The following FGD6 variants were observed in gnomAD, a reference collection of about 807,000 sequenced individuals.
The protein encoded by FGD6 is FYVE, RhoGEF and PH domain containing 6.
Under a neutral mutation model 149.4 loss-of-function variants are expected in FGD6, and 90 were observed. The observed-to-expected ratio is 0.60, with a 90% confidence interval of 0.51 to 0.72. The LOEUF (loss-of-function observed/expected upper bound fraction) is 0.72. Among genes scored for constraint, FGD6 ranks in the 30% least tolerant of loss-of-function variants. The probability of loss-of-function intolerance (pLI) is 0.00; values close to 1 mark genes in which losing one functional copy is unlikely to be tolerated. For missense variants in FGD6, 1,437 were observed against 1,684.8 expected (o/e 0.85, Z 2.57); for synonymous variants, 527 against 584.0 (o/e 0.90, Z 1.41).
At chr12:95,111,189 C>T (rs571360037) in intron 9 of FGD6, among the ~76,000 whole-genome samples, 2 of 152,234 alleles carry the variant, frequency 1.3e-5, no homozygotes, top group South Asian at 4.2e-4. Context: ...CCATGTTGCC[C>T]AGGCTGGTCT....
chr12:95,117,809 C>T (rs146706812), intron 8 of FGD6, among the ~76,000 whole-genome samples: 3,361 of 151,848 alleles, frequency 0.022, 67 homozygotes, highest in Non-Finnish European at 0.034. Flanking sequence ...TTTGGGAGGC[C>T]GAGGTGGGCG....
Position 95,210,350 on chromosome 12 carries a change from A to T in FGD6, c.934T>A (p.Phe312Ile). 1 of 1,613,890 alleles carries T rather than the reference A, an allele frequency of 6.2e-7. No individual in the cohort carries two copies. The highest frequency in any genetic ancestry group is 8.5e-7 in the Non-Finnish European group (1 of 1,179,976). Reference protein sequence around the residue: ...EIHLVPYTPKFPTPKPRKTRT... With the variant: ...EIHLVPYTPKIPTPKPRKTRT... ...GTCTTTCTGGGCTTGGGAGTTGGAA[A>T]TTTTGGGGTATATGGTACTAAATGA... The change falls in exon 2 of 21, where the codon TTT (phenylalanine) becomes ATT (isoleucine). Residue 312 changes from phenylalanine to isoleucine, a missense_variant. Transcript: ENST00000343958.
rs771840736 is a variant in FGD6, at chr12:95,092,865, T to C, written c.3601-20A>G. 6.3e-7 allele frequency: 1 copy of C among 1,590,438 alleles called. No homozygotes were observed. Among genetic ancestry groups the C allele is most frequent in the South Asian group, 1.1e-5 (1 of 87,612 alleles). On this transcript the variant is annotated intron_variant, in intron 15 of 20. Transcript: ENST00000343958. ...GTCTGCCTGTGGAAGAAGAACAACT[T>C]CTGATTATCTCCATGCACACTGCCT...
chr12:95,078,717 AG>A lies in FGD6; in HGVS notation c.*2802del, dbSNP rs1877573983. On this transcript the variant is annotated 3_prime_UTR_variant, in exon 21 of 21. Transcript: ENST00000343958. ...CAGAGATAATTACTCTCATTTTCTTAGGACTCTGATGGGTCCTGTACATTTA... is the reference window on the plus strand; with the variant it reads ...CAGAGATAATTACTCTCATTTTCTTAGACTCTGATGGGTCCTGTACATTTA... 1 of 152,226 alleles carries A rather than the reference AG, an allele frequency of 6.6e-6. No individual in the cohort carries two copies. The highest frequency in any genetic ancestry group is 1.5e-5 in the Non-Finnish European group (1 of 68,034). 9.4% of individuals were successfully genotyped at this position (152,226 alleles called of 1,614,324 possible).
At chr12:95,189,653 G>GAAAAAAA (rs10582401) in intron 2 of FGD6, 1 of 124,098 alleles carries the variant, frequency 8.1e-6, no homozygotes. Flanking sequence ...TGTTTCATAG[G>GAAAAAAA]AAAAAAAAAA....
chr12:95,107,683 C>T, intron 11 of FGD6, 52 bp from the exon 12 acceptor site: 2 of 1,576,330 alleles, frequency 1.3e-6, no homozygotes, highest in South Asian at 1.1e-5. Context: ...AACACAACGA[C>T]AATATAATTT....
At chr12:95,153,938 TG>T (rs1268838885) in intron 3 of FGD6, among the ~76,000 whole-genome samples, 1 of 130,804 alleles carries the variant, frequency 7.6e-6, no homozygotes, top group Non-Finnish European at 1.7e-5. Flanking sequence ...TGTGTGTGTG[TG>T]TGTGTGTGAG....
intron 2 of FGD6, among the ~76,000 whole-genome samples, chr12:95,192,187 AT>A (rs1461014823): frequency 2.0e-5 from 3 of 152,112 alleles, no homozygotes; most frequent in African/African-American, 7.2e-5. Context: ...TTCCCCCAAA[AT>A]TTTTTCAATA....
rs758521858 is a variant in FGD6, at chr12:95,092,682, G to A, written c.3747+17C>T. ...ACAGTAAAGACCACAATGGAGATGG[G>A]TGTTATCATCGCCAACCTTTCCACA... On this transcript the variant is annotated intron_variant, in intron 16 of 20. Coordinates refer to ENST00000343958, the MANE Select transcript of FGD6 (RefSeq NM_018351.4). 16 of 1,613,168 alleles carry A rather than the reference G, an allele frequency of 9.9e-6. No homozygotes were observed. In the East Asian group the frequency reaches 3.6e-4, roughly 36 times the overall value.
chr12:95,150,025 CACACACA>C (rs1370391322), intron 5 of FGD6, among the ~76,000 whole-genome samples: 13 of 122,048 alleles, frequency 1.1e-4, no homozygotes, highest in African/African-American at 2.4e-4. Flanking sequence ...CACACACACA[CACACACA>C]CTTTTTTTTT....
At position 95,209,538 on chromosome 12, in the gene FGD6, G is replaced by T. The variant is rs1251544136; in HGVS notation, c.1746C>A (p.Phe582Leu). The T allele has an allele frequency of 6.2e-6, 10 of 1,614,076 alleles. No individual in the cohort carries two copies. Among genetic ancestry groups the T allele is most frequent in the Non-Finnish European group, 8.5e-6 (10 of 1,180,020 alleles). The change falls in exon 2 of 21, where the codon TTC becomes TTA. Residue 582 changes from phenylalanine (F) to leucine (L), a missense_variant. Phe to Leu is a conservative substitution (Grantham distance 22). Around this residue, in one of 2 missense-constraint regions of FGD6, gnomAD observed 1,055 missense variants for 1,146.0 expected, o/e 0.92. Coordinates refer to ENST00000343958, the MANE Select transcript of FGD6 (RefSeq NM_018351.4). Reference sequence around the variant, plus strand: ...TTGACGATACGGTGACAGACTTTAAGAATTCTGGGTTCCCTGAAAAGGGTA... The same window carrying T: ...TTGACGATACGGTGACAGACTTTAATAATTCTGGGTTCCCTGAAAAGGGTA... Reference protein sequence around the residue: ...PILPFSGNPEFLKSVTVSSNS... With the variant: ...PILPFSGNPELLKSVTVSSNS...
At chr12:95,196,865 C>T (rs1337377940) in intron 2 of FGD6, among the ~76,000 whole-genome samples, 1 of 151,620 alleles carries the variant, frequency 6.6e-6, no homozygotes, top group Non-Finnish European at 1.5e-5. Flanking sequence ...GTCTCAAACT[C>T]CTGCCTCAAG....
Position 95,208,264 on chromosome 12 carries a change from T to G in FGD6, c.2441+579A>C, listed in dbSNP as rs531247074. On this transcript the variant is annotated intron_variant, in intron 2 of 20. Coordinates refer to ENST00000343958, the MANE Select transcript of FGD6 (RefSeq NM_018351.4). ...AAGACCTCATCTCAAAAAAAAAATT[T>G]TTTTTTAATTAAATTATTTTAAAAG... 2.0e-5 allele frequency among the ~76,000 whole-genome samples: 3 copies of G among 152,180 alleles called. No homozygotes were observed. In the South Asian group the frequency reaches 6.2e-4, roughly 32 times the overall value.
At chr12:95,170,352 T>G (rs557537960) in intron 3 of FGD6, among the ~76,000 whole-genome samples, 4 of 152,134 alleles carry the variant, frequency 2.6e-5, no homozygotes, top group Admixed American at 2.0e-4. Flanking sequence ...TGTTAGAACA[T>G]AGGCTAGGCC....
intron 2 of FGD6, among the ~76,000 whole-genome samples, chr12:95,178,065 A>G (rs904392831): frequency 6.6e-6 from 1 of 152,050 alleles, no homozygotes. Context: ...GTGCCTAAAA[A>G]AAACTATTTA....
chr12:95,169,174 AAC>A (rs1880915105), intron 3 of FGD6, among the ~76,000 whole-genome samples: 1 of 152,222 alleles, frequency 6.6e-6, no homozygotes, highest in Admixed American at 6.5e-5. Flanking sequence ...TGGGTACAAA[AAC>A]ACAGTTAGAT....
At position 95,120,160 on chromosome 12, in the gene FGD6, C is replaced by T. The variant is rs543581083; in HGVS notation, c.3083-6459G>A. On this transcript the variant is annotated intron_variant, in intron 8 of 20. Coordinates refer to ENST00000343958, the MANE Select transcript of FGD6 (RefSeq NM_018351.4). ...AGAAGAACTGCTTGAACCCAAGAGG[C>T]GGAGGTTGAAGTGAGCTGACATCAC... Among the ~76,000 whole-genome samples, 128 of 151,534 alleles carry T rather than the reference C, an allele frequency of 8.4e-4. 2 individuals carry two copies. The highest frequency in any genetic ancestry group is 2.9e-3 in the African/African-American group (121 of 41,270).
At chr12:95,177,685 GA>G (rs1424685035) in intron 2 of FGD6, among the ~76,000 whole-genome samples, 1 of 151,808 alleles carries the variant, frequency 6.6e-6, no homozygotes, top group Non-Finnish European at 1.5e-5. Context: ...AGAATGAGGG[GA>G]AAAAAACTAC....
Position 95,107,623 on chromosome 12 carries a change from G to C in FGD6, c.3273C>G (p.Leu1091=). 2 of 1,613,892 alleles carry C rather than the reference G, an allele frequency of 1.2e-6. No homozygotes were observed. Among genetic ancestry groups the C allele is most frequent in the Non-Finnish European group, 1.7e-6 (2 of 1,180,012 alleles). Residue 1091 remains leucine (L), a synonymous_variant, in exon 12 of 21, where the codon CTC becomes CTG. Coordinates refer to ENST00000343958, the MANE Select transcript of FGD6 (RefSeq NM_018351.4). ...HEIVQPGRVF[L]KEGILMKLSR... ...ACAGCTTCATCAGAATTCCTTCTTT[G>C]AGAAAAACCTGATTCACCCAAACAA...
Sources: allele counts gnomAD v4.1 joint callset (sites outside exome capture counted in the v4.1 genomes callset), GRCh38; gene constraint gnomAD v4.1.1; regional missense constraint gnomAD v4.1.1; transcripts MANE v1.5; gene names NCBI Gene and HGNC (gene_info 2026-07-23, HGNC 2026-07-21).